Variants in NBEAL1 observed in about 807,000 individuals in gnomAD.
NBEAL1 encodes neurobeachin-like protein 1.
NBEAL1 carries 273 observed loss-of-function variants against 351.3 expected under a neutral mutation model. The ratio of observed to expected loss-of-function variants is 0.78; its 90% confidence interval spans 0.70 to 0.86. The LOEUF is 0.86. NBEAL1 is among the 40% of genes least tolerant of loss of function. NBEAL1 has a pLI of 0.00. For missense variants in NBEAL1, 2,961 were observed against 3,201.3 expected (o/e 0.92, Z 1.81); for synonymous variants, 1,050 against 1,086.4 (o/e 0.97, Z 0.66).
intron 36 of NBEAL1, among the ~76,000 whole-genome samples, chr2:203,164,297 T>C (rs1390582031): frequency 6.6e-6 from 1 of 152,062 alleles, no homozygotes; most frequent in African/African-American, 2.4e-5. Context: ...TAGTATCCTT[T>C]GGTGGCATAA....
chr2:203,177,972 T>C (rs1283493436), intron 42 of NBEAL1, among the ~76,000 whole-genome samples: 1 of 150,732 alleles, frequency 6.6e-6, no homozygotes, highest in Non-Finnish European at 1.5e-5. Context: ...TGAGCCAAGA[T>C]CATGTCACTG....
chr2:203,186,095 T>C lies in NBEAL1; in HGVS notation c.6706-2377T>C, dbSNP rs558843138. 6.4e-4 allele frequency among the ~76,000 whole-genome samples: 98 copies of C among 152,328 alleles called. 1 individual carries two copies. Among genetic ancestry groups the C allele is most frequent in the Middle Eastern group, 3.4e-3 (1 of 294 alleles). The stretch of plus-strand genomic sequence containing the variant: ...TAAAGGGACAGATAGTAAATCTTCG[T>C]TGGTCATAAGATCTATGTCACAGGT... On this transcript the variant is annotated intron_variant, in intron 44 of 55. Transcript: ENST00000683969.
intron 4 of NBEAL1, among the ~76,000 whole-genome samples, chr2:203,053,756 G>A (rs546696766): frequency 6.6e-6 from 1 of 151,948 alleles, no homozygotes; most frequent in East Asian, 1.9e-4. Context: ...GGGCTCAAGC[G>A]ATCCTCCCAC....
At chr2:203,023,144 CTTA>C (rs2060795958) in intron 2 of NBEAL1, among the ~76,000 whole-genome samples, 1 of 152,144 alleles carries the variant, frequency 6.6e-6, no homozygotes. Flanking sequence ...AAATTATTAA[CTTA>C]TTAGTACAAT....
rs868013660 is a variant in NBEAL1, at chr2:203,186,061, T to C, written c.6706-2411T>C. ...TCTCATTAGGGAAGGAATTGGCAAA[T>C]TGTTTCTGTAAAGGGACAGATAGTA... On this transcript the variant is annotated intron_variant, in intron 44 of 55. Transcript: ENST00000683969. 1.1e-4 allele frequency among the ~76,000 whole-genome samples: 17 copies of C among 152,328 alleles called. No individual in the cohort carries two copies. In the South Asian group the frequency reaches 1.7e-3, roughly 15 times the overall value.
intron 2 of NBEAL1, among the ~76,000 whole-genome samples, chr2:203,024,657 G>T (rs2060825976): frequency 6.6e-6 from 1 of 152,016 alleles, no homozygotes; most frequent in Non-Finnish European, 1.5e-5. Context: ...GAGGCCAGGA[G>T]TTCGAGACTA....
intron 8 of NBEAL1, among the ~76,000 whole-genome samples, chr2:203,080,908 T>C (rs1288899497): frequency 1.3e-5 from 2 of 152,238 alleles, no homozygotes; most frequent in African/African-American, 2.4e-5. Context: ...TTATGACTAA[T>C]GTAGAAGCTG....
intron 44 of NBEAL1, among the ~76,000 whole-genome samples, chr2:203,187,158 G>A (rs2064921717): frequency 6.6e-6 from 1 of 151,686 alleles, no homozygotes; most frequent in African/African-American, 2.4e-5. Context: ...GTGTCCTCCT[G>A]GGCTCAGGTG....
intron 24 of NBEAL1, among the ~76,000 whole-genome samples, chr2:203,128,388 G>A (rs191475106): frequency 2.4e-3 from 361 of 150,216 alleles, no homozygotes; most frequent in Non-Finnish European, 3.9e-3. Flanking sequence ...GATTACAGGC[G>A]TGAGCCACCA....
chr2:203,030,590 C>A (rs1373669246), intron 2 of NBEAL1, among the ~76,000 whole-genome samples: 2 of 152,154 alleles, frequency 1.3e-5, no homozygotes, highest in East Asian at 3.8e-4. Flanking sequence ...GCATAAGGAT[C>A]AATTAGATTC....
intron 51 of NBEAL1, among the ~76,000 whole-genome samples, chr2:203,206,525 C>T (rs1286544138): frequency 1.3e-5 from 2 of 152,118 alleles, no homozygotes; most frequent in Non-Finnish European, 2.9e-5. Context: ...GCCTGATTCT[C>T]CTGCCTCAGC....
chr2:203,115,925 A>T, intron 17 of NBEAL1, 60 bp from the exon 18 acceptor site: 2 of 1,139,176 alleles, frequency 1.8e-6, no homozygotes, highest in Non-Finnish European at 2.6e-6. Context: ...TTCTGATAAC[A>T]CAGAACCAAG....
At chr2:203,209,748 T>TGTGTGTGTGTGTGTGTG (rs1553507773) in intron 53 of NBEAL1, among the ~76,000 whole-genome samples, 1 of 151,788 alleles carries the variant, frequency 6.6e-6, no homozygotes, top group African/African-American at 2.4e-5. Context: ...TGTGTGTGTA[T>TGTGTGTGTGTGTGTGTG]TTTTTTCTGA....
chr2:203,055,599 C>T (rs1470272565), intron 4 of NBEAL1, among the ~76,000 whole-genome samples: 1 of 136,168 alleles, frequency 7.3e-6, no homozygotes, highest in African/African-American at 2.8e-5. Context: ...AGCAAGATCC[C>T]ATCTCTTAAA....
At chr2:203,102,877 G>A (rs1401210886) in intron 12 of NBEAL1, among the ~76,000 whole-genome samples, 8 of 152,140 alleles carry the variant, frequency 5.3e-5, no homozygotes, top group African/African-American at 1.9e-4. Flanking sequence ...GTTTCAGTAG[G>A]AATGGTACCA....
At chr2:203,202,657 T>C (rs1339667752) in intron 50 of NBEAL1, 30 bp from the exon 51 acceptor site, 10 of 1,261,566 alleles carry the variant, frequency 7.9e-6, no homozygotes, top group Non-Finnish European at 1.2e-5. Context: ...AAACGAGGCA[T>C]CTCATTTTAT....
intron 44 of NBEAL1, among the ~76,000 whole-genome samples, chr2:203,187,101 T>C (rs142952492): frequency 3.2e-4 from 48 of 152,294 alleles, no homozygotes; most frequent in African/African-American, 1.2e-3. Context: ...GACTGAGAAA[T>C]GTCCCCCGGC....
intron 7 of NBEAL1, among the ~76,000 whole-genome samples, chr2:203,070,537 C>T (rs1483936093): frequency 5.9e-5 from 9 of 151,816 alleles, no homozygotes; most frequent in Admixed American, 2.0e-4. Context: ...TGTGTTAGTT[C>T]GTTCCCACAC....
Position 203,056,525 on chromosome 2 carries a change from C to A in NBEAL1, c.387+17C>A. 1 of 1,403,288 alleles carries A rather than the reference C, an allele frequency of 7.1e-7. No homozygotes were observed. Among genetic ancestry groups the A allele is most frequent in the Non-Finnish European group, 9.9e-7 (1 of 1,012,340 alleles). The allele number at this position is 1,403,288 out of a possible 1,614,324, so 86.9% of individuals were successfully genotyped here. ...ATTCAGCAAGTAGGTGTGAACTAAT[C>A]TTTTTTGTCACTTTACTGAGAACAA... On this transcript the variant is annotated intron_variant, in intron 5 of 55. Transcript: ENST00000683969.
Sources: gnomAD v4.1 joint callset for allele counts (sites outside exome capture counted in the v4.1 genomes callset) on GRCh38, gnomAD v4.1.1 for gene constraint, MANE v1.5 for transcripts, NCBI Gene and HGNC (gene_info 2026-07-23, HGNC 2026-07-21) for gene names.